The following ATP6V0D1 variants were observed in gnomAD, a reference collection of about 807,000 sequenced individuals.
The protein encoded by ATP6V0D1 is V-type proton ATPase subunit d 1.
Under a neutral mutation model 39.0 loss-of-function variants are expected in ATP6V0D1, and 13 were observed. The observed-to-expected ratio is 0.33, with a 90% CI of 0.22 to 0.53. The LOEUF is 0.53. ATP6V0D1 is among the 20% of genes least tolerant of loss of function. The pLI is 0.94. For synonymous variants in ATP6V0D1, 191 were observed against 191.2 expected (o/e 1.00, Z 0.01); for missense variants, 272 against 470.9 (o/e 0.58, Z 3.91).
intron 1 of ATP6V0D1, among the ~76,000 whole-genome samples, chr16:67,478,744 T>C (rs1287293425): frequency 4.0e-5 from 6 of 151,834 alleles, no homozygotes; most frequent in East Asian, 1.9e-4. Flanking sequence ...GGTGCCTATG[T>C]TGAGCAGTGT....
intron 4 of ATP6V0D1, 26 bp downstream of exon 4, chr16:67,443,073 C>A: frequency 3.7e-6 from 6 of 1,610,670 alleles, no homozygotes; most frequent in Non-Finnish European, 5.1e-6. Flanking sequence ...ACAGGCCAAT[C>A]CCCCATGGCT....
chr16:67,466,529 CAA>C (rs1008928887), intron 1 of ATP6V0D1, among the ~76,000 whole-genome samples: 4 of 125,212 alleles, frequency 3.2e-5, no homozygotes, highest in Admixed American at 8.5e-5. Context: ...AACTCTGTCT[CAA>C]AAAAAAAAAA....
intron 4 of ATP6V0D1, 64 bp downstream of exon 4, chr16:67,443,035 C>G: frequency 6.4e-7 from 1 of 1,558,264 alleles, no homozygotes; most frequent in Non-Finnish European, 8.8e-7. Context: ...AATCACCACC[C>G]TACCACTTCC....
At chr16:67,450,512 C>T (rs1437746134) in intron 2 of ATP6V0D1, among the ~76,000 whole-genome samples, 1 of 152,014 alleles carries the variant, frequency 6.6e-6, no homozygotes, top group African/African-American at 2.4e-5. Context: ...GTCAGAGAGG[C>T]ATCATGGGAG....
chr16:67,440,887 ACAGCTGCCAACC>A (rs1290334041), intron 4 of ATP6V0D1: 1 of 152,312 alleles, frequency 6.6e-6, no homozygotes, highest in Admixed American at 6.5e-5. Context: ...GGTGGCAGAG[ACAGCTGCCAACC>A]CCTCCCATGG....
intron 1 of ATP6V0D1, among the ~76,000 whole-genome samples, chr16:67,477,696 G>T (rs541528229): frequency 6.7e-6 from 1 of 150,220 alleles, no homozygotes; most frequent in Non-Finnish European, 1.5e-5. Flanking sequence ...TTCTTTATAC[G>T]GAGTCTTGCT....
chr16:67,465,495 G>C (rs147787830), intron 1 of ATP6V0D1, among the ~76,000 whole-genome samples: 11 of 152,330 alleles, frequency 7.2e-5, no homozygotes, highest in African/African-American at 2.6e-4. Flanking sequence ...CATGGTTCTA[G>C]GAGCCTGAGA....
At chr16:67,479,855 G>A (rs1484281261) in intron 1 of ATP6V0D1, among the ~76,000 whole-genome samples, 1 of 152,102 alleles carries the variant, frequency 6.6e-6, no homozygotes, top group Non-Finnish European at 1.5e-5. Context: ...GGCAAAGACT[G>A]GAATTAGGGA....
chr16:67,470,496 T>TC (rs1376905625), intron 1 of ATP6V0D1, among the ~76,000 whole-genome samples: 1 of 152,194 alleles, frequency 6.6e-6, no homozygotes, highest in Non-Finnish European at 1.5e-5. Context: ...CACACTTGTG[T>TC]CCACTTGGCC....
rs2142306270 is a variant in ATP6V0D1 at position 67,447,803 on chromosome 16, T to C, written c.303-3097A>G. ...TTTGGTGCCACCTGCTGGAACAATA[T>C]GGCTTCTCAACCCCGGGTGGCTGGT... On this transcript the variant is annotated intron_variant, in intron 2 of 7. Transcript: ENST00000290949. This position sits in a 1 kb window ranked among gnomAD's most constrained non-coding sequence, Gnocchi z 4.1. Among the ~76,000 whole-genome samples the C allele has an allele frequency of 6.6e-6, 1 of 152,314 alleles. No individual in the cohort carries two copies. Among genetic ancestry groups the C allele is most frequent in the Non-Finnish European group, 1.5e-5 (1 of 68,028 alleles).
At chr16:67,466,192 G>A (rs987192347) in intron 1 of ATP6V0D1, among the ~76,000 whole-genome samples, 5 of 152,180 alleles carry the variant, frequency 3.3e-5, no homozygotes, top group Non-Finnish European at 1.5e-5. Flanking sequence ...ATAAAGAACA[G>A]GAGTTGGGCC....
At chr16:67,469,239 C>T (rs2041353771) in intron 1 of ATP6V0D1, among the ~76,000 whole-genome samples, 1 of 152,076 alleles carries the variant, frequency 6.6e-6, no homozygotes, top group African/African-American at 2.4e-5. Flanking sequence ...ACCTGGGAGG[C>T]GGAGGTTGCA....
At chr16:67,461,812 A>C (rs2041291343) in intron 1 of ATP6V0D1, among the ~76,000 whole-genome samples, 1 of 152,170 alleles carries the variant, frequency 6.6e-6, no homozygotes. Flanking sequence ...CAGGGATCAA[A>C]TGGGAGAGTC....
chr16:67,459,148 C>T, intron 1 of ATP6V0D1: 1 of 985,468 alleles, frequency 1.0e-6, no homozygotes, highest in Non-Finnish European at 1.2e-6. Flanking sequence ...GAGTGACCTT[C>T]CTGTGATCTC....
rs975188894 is a variant in ATP6V0D1 at position 67,447,312 on chromosome 16, G to A, written c.303-2606C>T. On this transcript the variant is annotated intron_variant, in intron 2 of 7. Transcript: ENST00000290949. This position sits in a 1 kb window ranked among gnomAD's most constrained non-coding sequence, Gnocchi z 4.1. ...CTGCTTTTCTCTCCTGCCCAGTGAGGGGCAGAATCCTCTTTTTCAGGAGAT... is the reference window on the plus strand; with the variant it reads ...CTGCTTTTCTCTCCTGCCCAGTGAGAGGCAGAATCCTCTTTTTCAGGAGAT... Among the ~76,000 whole-genome samples, 6 of 152,212 alleles carry A rather than the reference G, an allele frequency of 3.9e-5. No individual in the cohort carries two copies. Among genetic ancestry groups the A allele is most frequent in the African/African-American group, 1.4e-4 (6 of 41,454 alleles).
Position 67,444,120 on chromosome 16 carries a change from C to T in ATP6V0D1, c.481+408G>A, listed in dbSNP as rs964710505. On this transcript the variant is annotated intron_variant, in intron 3 of 7. Transcript: ENST00000290949. This position sits in a 1 kb window ranked among gnomAD's most constrained non-coding sequence, Gnocchi z 4.8. ...TGGAGGGAAGTGGCAGTGTTTGCTT[C>T]GCTCCTTGCCTCACAGGCAGCCACT... Among the ~76,000 whole-genome samples, 18 of 152,218 alleles carry T rather than the reference C, an allele frequency of 1.2e-4. No individual in the cohort carries two copies. The highest frequency in any genetic ancestry group is 1.6e-4 in the Non-Finnish European group (11 of 68,036).
rs754894961 is a variant in ATP6V0D1, at chr16:67,444,661, C to T, written c.348G>A (p.Thr116=). 1.2e-6 allele frequency: 2 copies of T among 1,611,518 alleles called. No homozygotes were observed. The highest frequency in any genetic ancestry group is 4.5e-5 in the East Asian group (2 of 44,806). The change falls in exon 3 of 8, where the codon ACG becomes ACA. Residue 116 remains threonine (T), a synonymous_variant. Transcript: ENST00000290949. The surrounding 1 kb of genome is among the most constrained non-coding windows in gnomAD (Gnocchi z 4.8). ...IDNVILLITG[T]LHQRSIAELV... ...GCTCAGCGATGGAGCGCTGGTGCAG[C>T]GTGCCTGTGATGAGCAGGATCACGT...
chr16:67,444,650 C>A lies in ATP6V0D1; in HGVS notation c.359G>T (p.Arg120Leu), dbSNP rs751591759. The A allele has an allele frequency of 6.2e-7, 1 of 1,612,526 alleles. No individual in the cohort carries two copies. The highest frequency in any genetic ancestry group is 1.3e-5 in the African/African-American group (1 of 74,924). ...ILLITGTLHQ[R>L]SIAELVPKCH... ...CTTGGGCACGAGCTCAGCGATGGAG[C>A]GCTGGTGCAGCGTGCCTGTGATGAG... is the stretch of plus-strand genomic sequence containing the variant. The change falls in exon 3 of 8, where the codon CGC becomes CTC. Residue 120 changes from arginine to leucine, a missense_variant. By Grantham distance (102) the Arg-to-Leu change is moderately radical (BLOSUM62 -2). Coordinates refer to ENST00000290949, the MANE Select transcript of ATP6V0D1 (RefSeq NM_004691.5). The surrounding 1 kb of genome is among the most constrained non-coding windows in gnomAD (Gnocchi z 4.8).
chr16:67,458,048 A>T (rs775292165), intron 1 of ATP6V0D1, among the ~76,000 whole-genome samples: 92 of 152,216 alleles, frequency 6.0e-4, no homozygotes, highest in Non-Finnish European at 1.1e-3. Context: ...ACAGCCTGCC[A>T]GCCAAGAAGG....
Sources: gnomAD v4.1 joint callset for allele counts (sites outside exome capture counted in the v4.1 genomes callset) on GRCh38, gnomAD v4.1.1 for gene constraint, Gnocchi (gnomAD v3.1) non-coding constraint, MANE v1.5 for transcripts, NCBI Gene and HGNC (gene_info 2026-07-23, HGNC 2026-07-21) for gene names.